The following CNTNAP5 variants were observed in gnomAD, a reference collection of about 807,000 sequenced individuals.
CNTNAP5 encodes contactin associated protein family member 5.
A neutral mutation model predicts 150.2 loss-of-function variants in CNTNAP5; 72 were observed. The observed-to-expected ratio is 0.48, with a 90% CI of 0.40 to 0.58. The LOEUF is 0.58. Ranked by LOEUF, CNTNAP5 falls within the 20% of genes least tolerant of loss-of-function variation. The pLI is 0.00. For synonymous variants in CNTNAP5, 672 were observed against 619.8 expected, an observed-to-expected ratio of 1.08 and a Z score of -1.25; for missense variants, 1,636 against 1,626.2, an observed-to-expected ratio of 1.01 and a Z score of -0.10.
intron 6 of CNTNAP5, among the ~76,000 whole-genome samples, chr2:124,459,825 G>A (rs1693207068): frequency 6.6e-6 from 1 of 151,242 alleles, no homozygotes; most frequent in Non-Finnish European, 1.5e-5. Flanking sequence ...CCATGTTGTG[G>A]TCATCTAACC....
At chr2:124,091,578 A>C (rs922108797) in intron 1 of CNTNAP5, among the ~76,000 whole-genome samples, 1 of 152,242 alleles carries the variant, frequency 6.6e-6, no homozygotes, top group African/African-American at 2.4e-5. Context: ...CCTAGTCCAC[A>C]GTAGCTTTCC....
At chr2:124,448,426 A>G (rs1356402938) in intron 6 of CNTNAP5, among the ~76,000 whole-genome samples, 4 of 152,084 alleles carry the variant, frequency 2.6e-5, no homozygotes, top group Non-Finnish European at 5.9e-5. Flanking sequence ...TTTCATGACT[A>G]TTCTATCTGT....
chr2:124,530,961 T>C (rs1695091421), intron 10 of CNTNAP5, among the ~76,000 whole-genome samples: 1 of 152,046 alleles, frequency 6.6e-6, no homozygotes, highest in Admixed American at 6.6e-5. Context: ...GACTGGGGGC[T>C]TGGGGAGATG....
At chr2:124,691,952 C>G (rs1041416274) in intron 13 of CNTNAP5, among the ~76,000 whole-genome samples, 11 of 152,116 alleles carry the variant, frequency 7.2e-5, no homozygotes, top group Admixed American at 7.2e-4. Context: ...ACACGTAGCT[C>G]TGGGCCAGTC....
intron 22 of CNTNAP5, among the ~76,000 whole-genome samples, chr2:124,910,511 G>A (rs1473736472): frequency 6.6e-6 from 1 of 151,918 alleles, no homozygotes; most frequent in South Asian, 2.1e-4. Flanking sequence ...TGTCATATGG[G>A]GGCTTGAGTT....
At chr2:124,315,648 C>T (rs1688942695) in intron 3 of CNTNAP5, among the ~76,000 whole-genome samples, 1 of 152,114 alleles carries the variant, frequency 6.6e-6, no homozygotes, top group Non-Finnish European at 1.5e-5. Flanking sequence ...ACTTCTTTCT[C>T]AAGGTGGTCG....
At chr2:124,228,023 A>G (rs1419059106) in intron 2 of CNTNAP5, among the ~76,000 whole-genome samples, 1 of 152,076 alleles carries the variant, frequency 6.6e-6, no homozygotes, top group Non-Finnish European at 1.5e-5. Flanking sequence ...GTCCCAGGAT[A>G]TGCTGTCTGT....
At chr2:124,781,114 C>A (rs1211872388) in intron 17 of CNTNAP5, among the ~76,000 whole-genome samples, 1 of 152,106 alleles carries the variant, frequency 6.6e-6, no homozygotes, top group Non-Finnish European at 1.5e-5. Context: ...TCCTTTTTTC[C>A]CCACTCACAT....
intron 1 of CNTNAP5, among the ~76,000 whole-genome samples, chr2:124,205,719 A>G (rs551878078): frequency 6.6e-6 from 1 of 152,274 alleles, no homozygotes; most frequent in African/African-American, 2.4e-5. Context: ...TTTTCTTTAT[A>G]AATGATCCAG....
chr2:124,636,369 C>T (rs940258916), intron 12 of CNTNAP5, among the ~76,000 whole-genome samples: 1 of 152,074 alleles, frequency 6.6e-6, no homozygotes, highest in Non-Finnish European at 1.5e-5. Context: ...TTATTATTTT[C>T]ATTATTCTGT....
intron 1 of CNTNAP5, among the ~76,000 whole-genome samples, chr2:124,202,831 T>C (rs534863570): frequency 1.3e-5 from 2 of 152,166 alleles, no homozygotes; most frequent in South Asian, 4.2e-4. Flanking sequence ...TCCCACTGGG[T>C]CCCTCCTATA....
intron 10 of CNTNAP5, among the ~76,000 whole-genome samples, chr2:124,543,735 A>T (rs896255386): frequency 6.6e-6 from 1 of 152,098 alleles, no homozygotes; most frequent in African/African-American, 2.4e-5. Context: ...ATTGTTATTC[A>T]TTTGGCTTTG....
chr2:124,618,090 A>G (rs1677528182), intron 12 of CNTNAP5, among the ~76,000 whole-genome samples: 1 of 152,172 alleles, frequency 6.6e-6, no homozygotes, highest in Non-Finnish European at 1.5e-5. Flanking sequence ...AAGAGAAAGG[A>G]TCAAATTGAC....
intron 3 of CNTNAP5, among the ~76,000 whole-genome samples, chr2:124,304,467 G>A (rs927533929): frequency 6.8e-6 from 1 of 146,278 alleles, no homozygotes; most frequent in Admixed American, 6.7e-5. Flanking sequence ...GGTTATAGGA[G>A]CCAGATAGGA....
intron 7 of CNTNAP5, among the ~76,000 whole-genome samples, chr2:124,491,133 G>A (rs1040862962): frequency 3.9e-5 from 6 of 152,042 alleles, no homozygotes; most frequent in African/African-American, 1.2e-4. Context: ...AACCATCATC[G>A]TCTATGCTGT....
intron 13 of CNTNAP5, among the ~76,000 whole-genome samples, chr2:124,722,719 T>G (rs75447979): frequency 2.0e-5 from 3 of 152,110 alleles, no homozygotes; most frequent in Non-Finnish European, 4.4e-5. Context: ...GAAAATGAAT[T>G]GGAGGCAGCC....
chr2:124,458,223 A>G (rs1181595064), intron 6 of CNTNAP5, among the ~76,000 whole-genome samples: 3 of 146,472 alleles, frequency 2.0e-5, no homozygotes, highest in Non-Finnish European at 3.0e-5. Context: ...TAATATATAT[A>G]ATAAATATAT....
At chr2:124,715,681 T>TTGA (rs1679930196) in intron 13 of CNTNAP5, among the ~76,000 whole-genome samples, 1 of 152,168 alleles carries the variant, frequency 6.6e-6, no homozygotes, top group South Asian at 2.1e-4. Context: ...TTATATACCA[T>TTGA]TGATGAGAAC....
intron 2 of CNTNAP5, among the ~76,000 whole-genome samples, chr2:124,223,002 T>A (rs1194078562): frequency 6.6e-6 from 1 of 152,156 alleles, no homozygotes; most frequent in Non-Finnish European, 1.5e-5. Context: ...AATTAAAATT[T>A]TGTACTAATG....
Sources: gnomAD v4.1 joint callset for allele counts (sites outside exome capture counted in the v4.1 genomes callset) on GRCh38, gnomAD v4.1.1 for gene constraint, MANE v1.5 for transcripts, NCBI Gene and HGNC (gene_info 2026-07-23, HGNC 2026-07-21) for gene names.